RNLS: variants seen among roughly 807,000 people sequenced by gnomAD.
The protein encoded by RNLS is renalase, FAD dependent amine oxidase.
In RNLS, 39 loss-of-function variants were observed where a neutral mutation model predicts 39.8. The ratio of observed to expected loss-of-function variants is 0.98; its 90% CI spans 0.76 to 1.28. The LOEUF is 1.28. RNLS is among the 50% of genes most tolerant of loss of function. The pLI is 0.00. For synonymous variants in RNLS, 147 were observed against 150.7 expected (o/e 0.98, Z 0.18); for missense variants, 410 against 413.3 (o/e 0.99, Z 0.07).
At chr10:88,335,551 T>C (rs1257652528) in intron 5 of RNLS, among the ~76,000 whole-genome samples, 2 of 152,182 alleles carry the variant, frequency 1.3e-5, no homozygotes, top group Admixed American at 1.3e-4. Context: ...CCCATGTGAA[T>C]TGTTTCTAAA....
chr10:88,493,880 C>T (rs904396420), intron 4 of RNLS, among the ~76,000 whole-genome samples: 16 of 152,092 alleles, frequency 1.1e-4, no homozygotes, highest in Non-Finnish European at 1.9e-4. Context: ...AAAAACATTC[C>T]TGAACAATTG....
At chr10:88,245,787 C>A in the RNLS span, among the ~76,000 whole-genome samples, 7 of 152,306 alleles carry the variant, frequency 4.6e-5, 1 homozygote, top group South Asian at 1.5e-3. Context: ...GCATTAAAAT[C>A]TCAAAGGTGA....
At chr10:88,361,903 C>A (rs555257185) in intron 5 of RNLS, among the ~76,000 whole-genome samples, 10 of 152,314 alleles carry the variant, frequency 6.6e-5, no homozygotes. Context: ...CTTTCTTCAC[C>A]TTTTTGCCTA....
chr10:88,274,741 T>C (rs1245976107), exon 7 of RNLS: 7 of 409,160 alleles, frequency 1.7e-5, no homozygotes, highest in Non-Finnish European at 2.7e-5. Flanking sequence ...AGCAATTCTA[T>C]ATTTCATTTC....
chr10:88,336,184 T>C (rs1290869203), intron 5 of RNLS, among the ~76,000 whole-genome samples: 3 of 152,180 alleles, frequency 2.0e-5, no homozygotes, highest in African/African-American at 4.8e-5. Context: ...TTTTCTATCA[T>C]TGAGGTGGAA....
At chr10:88,542,138 G>C (rs1207199646) in intron 4 of RNLS, among the ~76,000 whole-genome samples, 1 of 152,092 alleles carries the variant, frequency 6.6e-6, no homozygotes, top group Non-Finnish European at 1.5e-5. Context: ...AAGTTATAGT[G>C]AATGAAAAGC....
At chr10:88,248,995 C>T in the RNLS span, among the ~76,000 whole-genome samples, 1 of 152,148 alleles carries the variant, frequency 6.6e-6, no homozygotes, top group Admixed American at 6.5e-5. Context: ...ACTAGTGTGC[C>T]AATCCTGGGC....
At position 88,303,267 on chromosome 10, in the gene RNLS, G is replaced by A. The variant is rs549566971; in HGVS notation, c.876+11199C>T. On this transcript the variant is annotated intron_variant, in intron 6 of 6. Coordinates refer to ENST00000331772, the MANE Select transcript of RNLS (RefSeq NM_001031709.3). ...CAGATGGTTTGGTGCAGGAGGATCA[G>A]TAGTGAAGTACAGCCAGGGATGGCC... Among the ~76,000 whole-genome samples the A allele has an allele frequency of 1.5e-4, 23 of 152,346 alleles. No individual in the cohort carries two copies. In the East Asian group the frequency reaches 4.1e-3, roughly 27 times the overall value.
chr10:88,485,248 A>G (rs1223749977), intron 4 of RNLS, among the ~76,000 whole-genome samples: 1 of 151,986 alleles, frequency 6.6e-6, no homozygotes, highest in Non-Finnish European at 1.5e-5. Flanking sequence ...ACAGTGTGGT[A>G]TTGATGTTAA....
the RNLS span, among the ~76,000 whole-genome samples, chr10:88,256,311 C>G: frequency 6.6e-6 from 1 of 152,204 alleles, no homozygotes; most frequent in Non-Finnish European, 1.5e-5. Flanking sequence ...GTTTACGGTT[C>G]CAGTGTTCTC....
At chr10:88,177,458 T>G in the RNLS span, among the ~76,000 whole-genome samples, 1 of 152,350 alleles carries the variant, frequency 6.6e-6, no homozygotes, top group African/African-American at 2.4e-5. Flanking sequence ...CTATCTCTGT[T>G]GAATTTCTTA....
chr10:88,265,238 C>T, the RNLS span, among the ~76,000 whole-genome samples: 2 of 150,530 alleles, frequency 1.3e-5, no homozygotes, highest in Non-Finnish European at 1.5e-5. Flanking sequence ...TGACTATGGC[C>T]TTATAGTATA....
the RNLS span, among the ~76,000 whole-genome samples, chr10:88,203,411 TACAC>T: frequency 2.3e-4 from 1 of 4,314 alleles, no homozygotes; most frequent in African/African-American, 6.1e-4. Flanking sequence ...TATATATATA[TACAC>T]GTATGTGTAT....
chr10:88,355,606 G>A (rs541965281), intron 5 of RNLS, among the ~76,000 whole-genome samples: 5 of 152,140 alleles, frequency 3.3e-5, no homozygotes, highest in African/African-American at 7.2e-5. Flanking sequence ...GCCGTGTGAC[G>A]TGTCAGTCTG....
the RNLS span, among the ~76,000 whole-genome samples, chr10:88,239,195 A>T: frequency 6.6e-6 from 1 of 152,138 alleles, no homozygotes; most frequent in Non-Finnish European, 1.5e-5. Flanking sequence ...AATGGCCAGC[A>T]CATGTCGAGG....
intron 5 of RNLS, among the ~76,000 whole-genome samples, chr10:88,329,491 T>C (rs1237981160): frequency 6.6e-6 from 1 of 152,120 alleles, no homozygotes; most frequent in Non-Finnish European, 1.5e-5. Context: ...TTTTTTTTGG[T>C]TTACCTTTGT....
At chr10:88,296,176 T>C (rs1365208369) in intron 6 of RNLS, among the ~76,000 whole-genome samples, 1 of 152,198 alleles carries the variant, frequency 6.6e-6, no homozygotes, top group Non-Finnish European at 1.5e-5. Flanking sequence ...TTTGGAATTA[T>C]TTTGTTTTCA....
chr10:88,356,146 C>T (rs550396203), intron 5 of RNLS, among the ~76,000 whole-genome samples: 1 of 152,286 alleles, frequency 6.6e-6, no homozygotes, highest in South Asian at 2.1e-4. Flanking sequence ...AAAGGGAATT[C>T]CCTACCCCTT....
chr10:88,310,054 A>G (rs1270608014), intron 6 of RNLS, among the ~76,000 whole-genome samples: 5 of 152,060 alleles, frequency 3.3e-5, no homozygotes, highest in Non-Finnish European at 7.4e-5. Context: ...CTCTACAAAA[A>G]AATACAAAAA....
Sources: gnomAD v4.1 joint callset for allele counts (sites outside exome capture counted in the v4.1 genomes callset) on GRCh38, gnomAD v4.1.1 for gene constraint, MANE v1.5 for transcripts, NCBI Gene and HGNC (gene_info 2026-07-23, HGNC 2026-07-21) for gene names.